EYA4: variants seen among roughly 807,000 people sequenced by gnomAD.
EYA4 encodes EYA transcriptional coactivator and phosphatase 4.
A neutral mutation model predicts 87.9 loss-of-function variants in EYA4; 31 were observed. The ratio of observed to expected loss-of-function variants is 0.35; its 90% confidence interval spans 0.27 to 0.48. The LOEUF (loss-of-function observed/expected upper bound fraction) is 0.48. Among genes scored for constraint, EYA4 ranks in the 20% least tolerant of loss-of-function variants. EYA4 has a pLI of 0.99. For synonymous variants in EYA4, 263 were observed against 270.6 expected (o/e 0.97, Z 0.28); for missense variants, 678 against 761.4 (o/e 0.89, Z 1.29).
intron 14 of EYA4, among the ~76,000 whole-genome samples, chr6:133,509,401 A>G (rs1202372377): frequency 4.5e-5 from 4 of 88,434 alleles, no homozygotes; most frequent in Admixed American, 9.8e-5. Context: ...TGCTTTTCTT[A>G]AAAAAAAAAA....
chr6:133,378,828 G>C (rs1177610186), intron 2 of EYA4, among the ~76,000 whole-genome samples: 1 of 151,458 alleles, frequency 6.6e-6, no homozygotes, highest in African/African-American at 2.4e-5. Context: ...GAATTTTCCT[G>C]TATTTTTATA....
intron 17 of EYA4, among the ~76,000 whole-genome samples, chr6:133,517,625 G>C (rs1220545542): frequency 6.6e-6 from 1 of 152,180 alleles, no homozygotes; most frequent in Non-Finnish European, 1.5e-5. Context: ...AGGCAGAGCT[G>C]CATGGATAGC....
intron 1 of EYA4, among the ~76,000 whole-genome samples, chr6:133,258,972 C>T (rs1775571117): frequency 6.6e-6 from 1 of 152,076 alleles, no homozygotes; most frequent in African/African-American, 2.4e-5. Flanking sequence ...TCTATTTCAG[C>T]TAATTGGTTT....
At chr6:133,276,758 A>G (rs1346814407) in intron 2 of EYA4, among the ~76,000 whole-genome samples, 1 of 152,174 alleles carries the variant, frequency 6.6e-6, no homozygotes, top group African/African-American at 2.4e-5. Flanking sequence ...CTGTTAAATG[A>G]CTTGCCCATG....
In EYA4 at chr6:133,456,637, T is replaced by C. The variant is rs905249704; in HGVS notation, c.359T>C (p.Phe120Ser). Residue 120 changes from phenylalanine to serine, a missense_variant, in exon 6 of 20, where the codon TTT becomes TCT. Phe to Ser is a radical substitution (Grantham distance 155). Coordinates refer to ENST00000355286, the MANE Select transcript of EYA4 (RefSeq NM_004100.5). ...ATTGDGALDT[F>S]TGSVITSSGY... is the part of the protein sequence containing the mutation. ...ACTGGAGATGGAGCGCTTGACACTT[T>C]TACTGGGTCAGGTAAAGCCTTTAGC... 6.2e-7 allele frequency: 1 copy of C among 1,611,410 alleles called. No individual in the cohort carries two copies. Among genetic ancestry groups the C allele is most frequent in the Admixed American group, 1.7e-5 (1 of 60,004 alleles).
intron 1 of EYA4, among the ~76,000 whole-genome samples, chr6:133,251,499 T>C (rs9385641): frequency 0.14 from 21,662 of 152,230 alleles, 1,977 homozygotes; most frequent in Non-Finnish European, 0.2. Flanking sequence ...ATATTAATTG[T>C]CAAGGTCTCA....
intron 2 of EYA4, among the ~76,000 whole-genome samples, chr6:133,304,767 T>C (rs1413081162): frequency 6.6e-6 from 1 of 152,138 alleles, no homozygotes; most frequent in Non-Finnish European, 1.5e-5. Flanking sequence ...TCAGGGTTTG[T>C]GTATTCATTC....
chr6:133,505,453 T>C (rs907093010), intron 13 of EYA4, among the ~76,000 whole-genome samples: 1 of 152,220 alleles, frequency 6.6e-6, no homozygotes, highest in African/African-American at 2.4e-5. Context: ...AGAACTAATG[T>C]TCTTTTAGCT....
At chr6:133,513,176 C>T in intron 16 of EYA4, 138 bp downstream of exon 16, 1 of 872,176 alleles carries the variant, frequency 1.1e-6, no homozygotes, top group Admixed American at 2.5e-5. Flanking sequence ...CCAGAAGTTT[C>T]TTAGAATTGG....
chr6:133,350,489 A>G (rs547890345), intron 2 of EYA4, among the ~76,000 whole-genome samples: 5 of 152,246 alleles, frequency 3.3e-5, no homozygotes, highest in South Asian at 2.1e-4. Context: ...AAGAAAGGCA[A>G]CCGTTCAAAT....
At chr6:133,370,845 A>T (rs933322970) in intron 2 of EYA4, among the ~76,000 whole-genome samples, 8 of 152,126 alleles carry the variant, frequency 5.3e-5, no homozygotes, top group Non-Finnish European at 1.5e-5. Flanking sequence ...CCCTCCATTT[A>T]TGGAACTATT....
rs1321227973 is a variant in EYA4 at position 133,372,456 on chromosome 6, T to G, written c.34-9936T>G. Among the ~76,000 whole-genome samples, 5 of 85,376 alleles carry G rather than the reference T, an allele frequency of 5.9e-5. No individual in the cohort carries two copies. In the East Asian group the frequency reaches 1.9e-3, roughly 32 times the overall value. 56.0% of individuals were successfully genotyped at this position (85,376 alleles called of 152,430 possible). On this transcript the variant is annotated intron_variant, in intron 2 of 19. Transcript: ENST00000355286. ...TTGTAATCTTTTTTTATAACAATGGTTATAGAAGAGAGATTTAATATAAAA... is the reference window on the plus strand; with the variant it reads ...TTGTAATCTTTTTTTATAACAATGGGTATAGAAGAGAGATTTAATATAAAA...
chr6:133,458,719 C>T (rs897481960), intron 6 of EYA4, among the ~76,000 whole-genome samples: 8 of 152,094 alleles, frequency 5.3e-5, no homozygotes, highest in African/African-American at 1.7e-4. Context: ...CCCTGGCAGG[C>T]AAAATTCTCA....
chr6:133,456,693 A>C (rs765815972), intron 6 of EYA4, 45 bp downstream of exon 6: 1 of 1,129,636 alleles, frequency 8.9e-7, no homozygotes, highest in Non-Finnish European at 1.4e-6. Flanking sequence ...ATGGGGGTGC[A>C]TCCACATCCT....
chr6:133,285,503 T>G (rs932588130), intron 2 of EYA4, among the ~76,000 whole-genome samples: 2 of 152,142 alleles, frequency 1.3e-5, no homozygotes, highest in African/African-American at 4.8e-5. Flanking sequence ...CATGGGCATG[T>G]GAGGGTGGAG....
chr6:133,257,519 ACCTTTAT>A (rs1775434459), intron 1 of EYA4, among the ~76,000 whole-genome samples: 1 of 152,200 alleles, frequency 6.6e-6, no homozygotes, highest in Non-Finnish European at 1.5e-5. Context: ...TCGACCAGTT[ACCTTTAT>A]CCTTTTTGGA....
At chr6:133,265,503 C>A (rs1309028767) in intron 1 of EYA4, among the ~76,000 whole-genome samples, 2 of 151,962 alleles carry the variant, frequency 1.3e-5, no homozygotes, top group Admixed American at 6.6e-5. Context: ...ATCTTTTTCT[C>A]ATATATTTGT....
At chr6:133,285,525 G>A (rs1777985168) in intron 2 of EYA4, among the ~76,000 whole-genome samples, 1 of 152,186 alleles carries the variant, frequency 6.6e-6, no homozygotes, top group Admixed American at 6.5e-5. Context: ...AATACATATT[G>A]TGTAGAGGTT....
rs146070755 is a variant in EYA4, at chr6:133,281,090, A to G, written c.33+6277A>G. Reference sequence around the variant, plus strand: ...GGCCAAATAATATTCCATTGTATGGAGACACTTCTATTTATACTCTTTAAA... The same window carrying G: ...GGCCAAATAATATTCCATTGTATGGGGACACTTCTATTTATACTCTTTAAA... On this transcript the variant is annotated intron_variant, in intron 2 of 19. Coordinates refer to ENST00000355286, the MANE Select transcript of EYA4 (RefSeq NM_004100.5). Among the ~76,000 whole-genome samples, 12 of 152,322 alleles carry G rather than the reference A, an allele frequency of 7.9e-5. No homozygotes were observed. In the East Asian group the frequency reaches 2.3e-3, roughly 29 times the overall value.
Sources: allele counts gnomAD v4.1 joint callset (sites outside exome capture counted in the v4.1 genomes callset), GRCh38; gene constraint gnomAD v4.1.1; transcripts MANE v1.5; gene names NCBI Gene and HGNC (gene_info 2026-07-23, HGNC 2026-07-21).